Variants in CHN2 observed in about 807,000 individuals in gnomAD.
The protein encoded by CHN2 is beta-chimaerin.
In CHN2, 35 loss-of-function variants were observed where a neutral mutation model predicts 56.3. The ratio of observed to expected loss-of-function variants is 0.62; its 90% CI spans 0.47 to 0.82. CHN2 has a LOEUF of 0.82. Among genes scored for constraint, CHN2 ranks in the 40% least tolerant of loss-of-function variants. The pLI is 0.00. For missense variants in CHN2, 491 were observed against 580.5 expected, an observed-to-expected ratio of 0.85 and a Z score of 1.58; for synonymous variants, 210 against 212.8, an observed-to-expected ratio of 0.99 and a Z score of 0.12.
chr7:29,154,275 G>A (rs952659237), intron 2 of CHN2, among the ~76,000 whole-genome samples: 7 of 152,148 alleles, frequency 4.6e-5, no homozygotes, highest in Non-Finnish European at 1.0e-4. Context: ...AACAATAAGG[G>A]CAACAGCAGT....
chr7:29,202,907 T>C lies in CHN2; in HGVS notation c.49+7917T>C, dbSNP rs1336916910. Reference sequence around the variant, plus strand: ...AGAAATGGGAAGCAGGGAGCGTGGCTGTTGCAGTAGATCTCCTGCAGCATG... The same window carrying C: ...AGAAATGGGAAGCAGGGAGCGTGGCCGTTGCAGTAGATCTCCTGCAGCATG... On this transcript the variant is annotated intron_variant, in intron 1 of 12. Transcript: ENST00000222792. 3.3e-5 allele frequency among the ~76,000 whole-genome samples: 5 copies of C among 152,204 alleles called. No homozygotes were observed. The East Asian group carries it at 9.6e-4, about 29-fold the overall frequency.
At chr7:29,333,632 C>G (rs1267273355) in intron 1 of CHN2, among the ~76,000 whole-genome samples, 2 of 152,198 alleles carry the variant, frequency 1.3e-5, no homozygotes, top group Non-Finnish European at 2.9e-5. Flanking sequence ...GAATGCTGCT[C>G]TAAATTCAGG....
intron 1 of CHN2, among the ~76,000 whole-genome samples, chr7:29,288,687 T>C (rs1792348022): frequency 6.6e-6 from 1 of 152,066 alleles, no homozygotes; most frequent in Non-Finnish European, 1.5e-5. Context: ...GAACCAGAAT[T>C]GAAAACAAAT....
At position 29,274,675 on chromosome 7, in the gene CHN2, C is replaced by T. The variant is rs1265970977; in HGVS notation, c.49+79685C>T. Among the ~76,000 whole-genome samples the T allele has an allele frequency of 5.9e-5, 9 of 152,122 alleles. No homozygotes were observed. In the South Asian group the frequency reaches 1.0e-3, roughly 18 times the overall value. Reference sequence around the variant, plus strand: ...CAGTGGGTACAGCCAGTGAGTTCTGCGGCCAAAGTGCAGATCAAAGAGAAG... The same window carrying T: ...CAGTGGGTACAGCCAGTGAGTTCTGTGGCCAAAGTGCAGATCAAAGAGAAG... On this transcript the variant is annotated intron_variant, in intron 1 of 12. Transcript: ENST00000222792.
chr7:29,364,038 G>A (rs1002252696), intron 2 of CHN2, among the ~76,000 whole-genome samples: 1 of 152,060 alleles, frequency 6.6e-6, no homozygotes, highest in Non-Finnish European at 1.5e-5. Flanking sequence ...ACAGACCAGG[G>A]GCTTTGGAAT....
intron 2 of CHN2, among the ~76,000 whole-genome samples, chr7:29,155,456 A>G (rs1207189454): frequency 6.6e-6 from 1 of 152,206 alleles, no homozygotes; most frequent in East Asian, 1.9e-4. Flanking sequence ...CTGTAACCCG[A>G]AAAGGTAGAT....
intron 3 of CHN2, among the ~76,000 whole-genome samples, chr7:29,385,593 G>A (rs1481793268): frequency 6.6e-6 from 1 of 152,190 alleles, no homozygotes; most frequent in African/African-American, 2.4e-5. Context: ...AGGTCCCGCT[G>A]AGTTGTGTAG....
At chr7:29,253,261 G>A (rs1476508241) in intron 1 of CHN2, among the ~76,000 whole-genome samples, 1 of 152,222 alleles carries the variant, frequency 6.6e-6, no homozygotes, top group Non-Finnish European at 1.5e-5. Flanking sequence ...ATCCTTATAT[G>A]TGGCATTCAT....
chr7:29,423,747 T>G (rs1804571871), intron 6 of CHN2, among the ~76,000 whole-genome samples: 1 of 152,230 alleles, frequency 6.6e-6, no homozygotes, highest in African/African-American at 2.4e-5. Context: ...GGATTCCCTC[T>G]CCCCACTTCC....
intron 1 of CHN2, among the ~76,000 whole-genome samples, chr7:29,266,593 C>G (rs245992): frequency 0.1 from 15,815 of 152,196 alleles, 1,150 homozygotes; most frequent in African/African-American, 0.2. Flanking sequence ...TTAATGTTAA[C>G]AGGCCCCCTA....
At chr7:29,151,028 G>A (rs1389584695) in intron 2 of CHN2, among the ~76,000 whole-genome samples, 2 of 152,160 alleles carry the variant, frequency 1.3e-5, no homozygotes, top group African/African-American at 2.4e-5. Flanking sequence ...AGCATTGAAG[G>A]CTTCATTAAG....
chr7:29,248,215 G>A (rs1199219420), intron 1 of CHN2, among the ~76,000 whole-genome samples: 1 of 152,228 alleles, frequency 6.6e-6, no homozygotes, highest in Non-Finnish European at 1.5e-5. Flanking sequence ...AGCAGGCAGT[G>A]GTCCTAGCAG....
At chr7:29,285,812 C>A (rs541267468) in intron 1 of CHN2, among the ~76,000 whole-genome samples, 6 of 152,282 alleles carry the variant, frequency 3.9e-5, no homozygotes, top group African/African-American at 1.4e-4. Context: ...CTCAATTGGA[C>A]AAATATGCCA....
rs1172543066 is a variant in CHN2 at position 29,382,297 on chromosome 7, C to T, written c.145-11382C>T. ...TTATGTTGGTTCACATGTTCACCCT[C>T]TAAAGAATGTGAGGGACTTCGATTA... is the stretch of plus-strand genomic sequence containing the variant. On this transcript the variant is annotated intron_variant, in intron 3 of 12. Coordinates refer to ENST00000222792, the MANE Select transcript of CHN2 (RefSeq NM_004067.4). Among the ~76,000 whole-genome samples, 3 of 152,294 alleles carry T rather than the reference C, an allele frequency of 2.0e-5. No homozygotes were observed. In the East Asian group the frequency reaches 5.8e-4, roughly 29 times the overall value.
intron 6 of CHN2, 132 bp downstream of exon 6, chr7:29,400,960 G>A (rs781323934): frequency 2.3e-6 from 2 of 865,492 alleles, no homozygotes; most frequent in Non-Finnish European, 3.5e-6. Context: ...AGAATGTTAG[G>A]GCCAAAGGGA....
chr7:29,490,825 T>C (rs1238056335), intron 7 of CHN2, among the ~76,000 whole-genome samples: 1 of 152,212 alleles, frequency 6.6e-6, no homozygotes, highest in Non-Finnish European at 1.5e-5. Flanking sequence ...GTTTTTTGTA[T>C]ATGTTGAAGC....
intron 1 of CHN2, among the ~76,000 whole-genome samples, chr7:29,274,154 C>T (rs182861688): frequency 4.7e-4 from 71 of 152,224 alleles, no homozygotes; most frequent in Non-Finnish European, 8.1e-4. Flanking sequence ...AAAGCATCCC[C>T]GAGACAAGCT....
intron 1 of CHN2, among the ~76,000 whole-genome samples, chr7:29,229,832 G>C (rs929786917): frequency 6.6e-6 from 1 of 152,034 alleles, no homozygotes; most frequent in Non-Finnish European, 1.5e-5. Context: ...CAAAAATTAG[G>C]TGGGCATGGT....
At chr7:29,180,253 TG>T (rs1339367464) in intron 2 of CHN2, among the ~76,000 whole-genome samples, 5 of 152,174 alleles carry the variant, frequency 3.3e-5, no homozygotes, top group Non-Finnish European at 7.4e-5. Flanking sequence ...AGGCCGGGTG[TG>T]GTGGCTCACG....
Sources: allele counts gnomAD v4.1 joint callset (sites outside exome capture counted in the v4.1 genomes callset), GRCh38; gene constraint gnomAD v4.1.1; transcripts MANE v1.5; gene names NCBI Gene and HGNC (gene_info 2026-07-23, HGNC 2026-07-21).